RABEP1: variants seen among roughly 807,000 people sequenced by gnomAD.
RABEP1 encodes rab GTPase-binding effector protein 1.
Under a neutral mutation model 123.4 loss-of-function variants are expected in RABEP1, and 51 were observed. The ratio of observed to expected loss-of-function variants is 0.41; its 90% CI spans 0.33 to 0.52. The LOEUF (loss-of-function observed/expected upper bound fraction) is 0.52. RABEP1 is among the 20% of genes least tolerant of loss of function. The pLI is 0.16. For synonymous variants in RABEP1, 347 were observed against 355.2 expected, an observed-to-expected ratio of 0.98 and a Z score of 0.26; for missense variants, 888 against 996.3, an observed-to-expected ratio of 0.89 and a Z score of 1.46.
At chr17:5,340,266 T>G (rs1907473523) in intron 5 of RABEP1, among the ~76,000 whole-genome samples, 1 of 152,322 alleles carries the variant, frequency 6.6e-6, no homozygotes, top group Middle Eastern at 3.4e-3. Flanking sequence ...TGGGTTACCT[T>G]GGGCAAATTA....
At chr17:5,320,133 G>T (rs2075338827) in intron 2 of RABEP1, among the ~76,000 whole-genome samples, 1 of 151,764 alleles carries the variant, frequency 6.6e-6, no homozygotes. Flanking sequence ...AGTAGCAAGA[G>T]AAAAGTAGCA....
At chr17:5,367,518 C>T (rs554762188) in intron 11 of RABEP1, among the ~76,000 whole-genome samples, 3 of 151,820 alleles carry the variant, frequency 2.0e-5, no homozygotes, top group African/African-American at 7.2e-5. Flanking sequence ...ATCCATCCGC[C>T]TCGGCCTCCC....
rs2144748880 is a variant in RABEP1 at position 5,384,481 on chromosome 17, A to T, written c.*1258A>T. The stretch of plus-strand genomic sequence containing the variant: ...TCATTTTTGAGACTGGTTGCATAAC[A>T]GCAGGGTACCTGAAAGAGCCTTCTG... On this transcript the variant is annotated 3_prime_UTR_variant, in exon 18 of 18. Transcript: ENST00000537505. 1 of 216,846 alleles carries T rather than the reference A, an allele frequency of 4.6e-6. No individual in the cohort carries two copies. Among genetic ancestry groups the T allele is most frequent in the East Asian group, 6.9e-5 (1 of 14,434 alleles). The allele number at this position is 216,846 out of a possible 1,614,324, so 13.4% of individuals were successfully genotyped here.
At chr17:5,329,882 C>T (rs1387898419) in intron 2 of RABEP1, among the ~76,000 whole-genome samples, 4 of 150,562 alleles carry the variant, frequency 2.7e-5, no homozygotes, top group Non-Finnish European at 5.9e-5. Context: ...CCTCCAGGCT[C>T]TCTATTTCAC....
At chr17:5,350,346 C>T (rs1908425183) in intron 6 of RABEP1, 105 bp from the exon 7 acceptor site, 1 of 1,270,366 alleles carries the variant, frequency 7.9e-7, no homozygotes, top group Non-Finnish European at 1.1e-6. Flanking sequence ...CACCACTGCA[C>T]TCCAGCCTGG....
chr17:5,287,822 G>A (rs1402172732), intron 1 of RABEP1, among the ~76,000 whole-genome samples: 2 of 151,958 alleles, frequency 1.3e-5, no homozygotes, highest in Admixed American at 1.3e-4. Flanking sequence ...TGAGGTGGGA[G>A]GATCACCTAA....
intron 1 of RABEP1, among the ~76,000 whole-genome samples, chr17:5,306,552 C>T (rs539443594): frequency 2.0e-5 from 3 of 151,346 alleles, no homozygotes; most frequent in Non-Finnish European, 4.4e-5. Context: ...TGCTTGAGTC[C>T]GGGAGGCGGA....
chr17:5,348,782 C>G (rs546807959), intron 6 of RABEP1, among the ~76,000 whole-genome samples: 1 of 152,022 alleles, frequency 6.6e-6, no homozygotes, highest in Non-Finnish European at 1.5e-5. Flanking sequence ...AGGATGGTCT[C>G]GATCCCCTGA....
rs778248842 is a variant in RABEP1 at position 5,386,293 on chromosome 17, CTT to C, written c.*3073_*3074del. ...CCCTGTAAAATTGTAAAGTCACTCA[CTT>C]TTGGAATTATAATAAACCATTTATA... On this transcript the variant is annotated 3_prime_UTR_variant, in exon 18 of 18. Coordinates refer to ENST00000537505, the MANE Select transcript of RABEP1 (RefSeq NM_004703.6). The C allele has an allele frequency of 2.6e-5, 41 of 1,554,964 alleles. No homozygotes were observed. The South Asian group carries it at 4.2e-4, about 16-fold the overall frequency.
At chr17:5,355,319 C>G (rs1908922231) in intron 8 of RABEP1, among the ~76,000 whole-genome samples, 1 of 152,156 alleles carries the variant, frequency 6.6e-6, no homozygotes, top group Admixed American at 6.5e-5. Flanking sequence ...TACTTTCCTC[C>G]CATTGCCTTT....
chr17:5,337,644 G>T (rs1907220199), intron 4 of RABEP1, among the ~76,000 whole-genome samples: 1 of 152,184 alleles, frequency 6.6e-6, no homozygotes, highest in Non-Finnish European at 1.5e-5. Flanking sequence ...AGTGAGCGGA[G>T]ATCGTGGCAC....
At chr17:5,331,733 G>A (rs914015892) in intron 2 of RABEP1, among the ~76,000 whole-genome samples, 1 of 152,136 alleles carries the variant, frequency 6.6e-6, no homozygotes, top group African/African-American at 2.4e-5. Context: ...ACGGGAATGC[G>A]TAAATTGAGC....
At chr17:5,303,393 T>C (rs2075153152) in intron 1 of RABEP1, among the ~76,000 whole-genome samples, 1 of 152,042 alleles carries the variant, frequency 6.6e-6, no homozygotes, top group African/African-American at 2.4e-5. Flanking sequence ...AGGCACGCAC[T>C]ATCACGTCCG....
At chr17:5,324,825 C>G (rs145535031) in intron 2 of RABEP1, among the ~76,000 whole-genome samples, 1 of 152,100 alleles carries the variant, frequency 6.6e-6, no homozygotes, top group African/African-American at 2.4e-5. Context: ...TAGAGAAATG[C>G]AAAGCAAAAC....
At chr17:5,282,870 A>G (rs1218182514) in intron 1 of RABEP1, among the ~76,000 whole-genome samples, 2 of 151,856 alleles carry the variant, frequency 1.3e-5, no homozygotes, top group Non-Finnish European at 2.9e-5. Flanking sequence ...GAAATCGGGA[A>G]CATGTGCTAT....
chr17:5,343,977 A>G (rs1907848995), intron 5 of RABEP1, among the ~76,000 whole-genome samples: 1 of 152,038 alleles, frequency 6.6e-6, no homozygotes. Flanking sequence ...TGCCTGGCCC[A>G]AGGTTTCCTA....
intron 6 of RABEP1, among the ~76,000 whole-genome samples, chr17:5,348,453 A>G (rs1908258213): frequency 6.6e-6 from 1 of 152,236 alleles, no homozygotes; most frequent in South Asian, 2.1e-4. Context: ...GGCAATGGGC[A>G]AAATGTGAGG....
chr17:5,338,862 T>TA (rs1311151813), intron 5 of RABEP1, among the ~76,000 whole-genome samples: 1 of 152,046 alleles, frequency 6.6e-6, no homozygotes, highest in Admixed American at 6.6e-5. Flanking sequence ...GCAAAAGAAT[T>TA]AAAGTAGGAA....
rs1911836530 is a variant in RABEP1, at chr17:5,385,066, C to T, written c.*1843C>T. On this transcript the variant is annotated 3_prime_UTR_variant, in exon 18 of 18. Coordinates refer to ENST00000537505, the MANE Select transcript of RABEP1 (RefSeq NM_004703.6). ...AGATATTTTTCTCCAGAAGATGGTG[C>T]TGGGTAATAAAATCATCACAATTAG... is the stretch of plus-strand genomic sequence containing the variant. The T allele has an allele frequency of 8.7e-6, 2 of 228,998 alleles. No individual in the cohort carries two copies. Among genetic ancestry groups the T allele is most frequent in the Non-Finnish European group, 1.7e-5 (2 of 115,494 alleles). The allele number at this position is 228,998 out of a possible 1,614,324, so 14.2% of individuals were successfully genotyped here.
Sources: gnomAD v4.1 joint callset for allele counts (sites outside exome capture counted in the v4.1 genomes callset) on GRCh38, gnomAD v4.1.1 for gene constraint, MANE v1.5 for transcripts, NCBI Gene and HGNC (gene_info 2026-07-23, HGNC 2026-07-21) for gene names.